Variants in GLB1 observed in about 807,000 individuals in gnomAD.
GLB1 encodes the protein beta-galactosidase.
A neutral mutation model predicts 74.0 loss-of-function variants in GLB1; 56 were observed. The ratio of observed to expected loss-of-function variants is 0.76; its 90% CI spans 0.61 to 0.94. The LOEUF is 0.94. Among genes scored for constraint, GLB1 ranks in the 40% least tolerant of loss-of-function variants. The pLI, the probability that GLB1 is intolerant of heterozygous loss-of-function variation, is 0.00. For missense variants in GLB1, 787 were observed against 845.5 expected (o/e 0.93, Z 0.86); for synonymous variants, 323 against 323.6 (o/e 1.00, Z 0.02).
downstream of GLB1, among the ~76,000 whole-genome samples, chr3:32,995,659 T>A (rs982697850): frequency 3.3e-5 from 5 of 150,970 alleles, no homozygotes; most frequent in African/African-American, 1.2e-4. Flanking sequence ...ATAAAAAAAC[T>A]TTCCTTTCTC....
intron 10 of GLB1, among the ~76,000 whole-genome samples, chr3:33,042,062 G>C (rs1698523604): frequency 6.6e-6 from 1 of 151,988 alleles, no homozygotes. Context: ...AATTATATTA[G>C]CACTAGTTTC....
the GLB1 span, among the ~76,000 whole-genome samples, chr3:32,971,998 A>G: frequency 6.6e-6 from 1 of 152,216 alleles, no homozygotes; most frequent in Admixed American, 6.5e-5. Context: ...TGATAAAAAT[A>G]AAACTAGAAG....
chr3:33,093,812 C>T lies in GLB1; in HGVS notation c.75+3199G>A. On this transcript the variant is annotated intron_variant, in intron 1 of 15. Coordinates refer to ENST00000307363, the MANE Select transcript of GLB1 (RefSeq NM_000404.4). This position sits in a 1 kb window ranked among gnomAD's most constrained non-coding sequence, Gnocchi z 6.0. ...CGCTGAGGATGAAGAGGAAGAAGAGCATGATGATGTAAGCACCCAGGCAGG... is the reference window on the plus strand; with the variant it reads ...CGCTGAGGATGAAGAGGAAGAAGAGTATGATGATGTAAGCACCCAGGCAGG... The T allele has an allele frequency of 3.7e-6, 6 of 1,613,480 alleles. No individual in the cohort carries two copies. Among genetic ancestry groups the T allele is most frequent in the Non-Finnish European group, 5.1e-6 (6 of 1,179,700 alleles).
chr3:33,061,076 G>A (rs1475183538), intron 5 of GLB1, among the ~76,000 whole-genome samples: 3 of 152,280 alleles, frequency 2.0e-5, no homozygotes, highest in African/African-American at 7.2e-5. Context: ...AGGTTCAGAG[G>A]AACACCGATG....
intron 10 of GLB1, chr3:33,037,820 C>T (rs1436455787): frequency 6.6e-6 from 1 of 152,068 alleles, no homozygotes. Flanking sequence ...TTTACAATGA[C>T]ATAAGTGAAG....
intron 1 of GLB1, among the ~76,000 whole-genome samples, chr3:33,087,184 C>T (rs1356684164): frequency 6.6e-6 from 1 of 152,046 alleles, no homozygotes; most frequent in African/African-American, 2.4e-5. Context: ...GGATAAATTT[C>T]TAGACACACC....
chr3:33,094,030 A>C, intron 1 of GLB1: 1 of 1,614,258 alleles, frequency 6.2e-7, no homozygotes, highest in East Asian at 2.2e-5. Flanking sequence ...CCAATGAGCA[A>C]GAGCGAGTTG....
intron 1 of GLB1, among the ~76,000 whole-genome samples, chr3:33,079,758 G>A (rs377448789): frequency 1.3e-5 from 2 of 152,180 alleles, no homozygotes; most frequent in African/African-American, 4.8e-5. Context: ...GGGATATAGG[G>A]TGAAAAGAGA....
intron 10 of GLB1, among the ~76,000 whole-genome samples, chr3:33,041,199 C>G (rs2125505156): frequency 6.6e-6 from 1 of 152,290 alleles, no homozygotes; most frequent in East Asian, 1.9e-4. Flanking sequence ...TTAGATTCAT[C>G]ACAGAGAAAC....
intron 1 of GLB1, among the ~76,000 whole-genome samples, chr3:33,084,010 C>T (rs1416913081): frequency 6.6e-6 from 1 of 152,180 alleles, no homozygotes; most frequent in African/African-American, 2.4e-5. Flanking sequence ...ATGGGTCATG[C>T]TGATTATGTG....
At chr3:33,030,135 A>G (rs6762132) in intron 10 of GLB1, 45,583 of 151,950 alleles carry the variant, frequency 0.3, 7,089 homozygotes, top group African/African-American at 0.36. Context: ...CAGGAGGTAT[A>G]AACAGTGCTG....
chr3:32,973,103 A>G, the GLB1 span, among the ~76,000 whole-genome samples: 1 of 152,364 alleles, frequency 6.6e-6, no homozygotes, highest in South Asian at 2.1e-4. Context: ...AATGCTTAAA[A>G]GGTAACTTAA....
intron 6 of GLB1, among the ~76,000 whole-genome samples, chr3:33,056,869 CTCTTA>C (rs1699244641): frequency 1.3e-5 from 2 of 152,184 alleles, no homozygotes; most frequent in African/African-American, 2.4e-5. Flanking sequence ...TGATACAGTA[CTCTTA>C]TCTAATCTAC....
At chr3:32,984,896 C>T in the GLB1 span, among the ~76,000 whole-genome samples, 1 of 151,280 alleles carries the variant, frequency 6.6e-6, no homozygotes, top group African/African-American at 2.4e-5. Context: ...GAGCTGAGAT[C>T]GCGCCACTGC....
At chr3:33,018,659 C>T (rs1452898300) in intron 12 of GLB1, 98 bp from the exon 13 acceptor site, 1 of 1,316,296 alleles carries the variant, frequency 7.6e-7, no homozygotes, top group Admixed American at 2.0e-5. Flanking sequence ...TTTCTCAAAC[C>T]ATAAGGAATG....
chr3:33,067,032 C>T (rs1431285915), intron 4 of GLB1, among the ~76,000 whole-genome samples: 4 of 124,774 alleles, frequency 3.2e-5, no homozygotes, highest in Admixed American at 1.9e-4. Context: ...GACAGAGTTT[C>T]GCTCTTGTTG....
At chr3:33,035,201 G>A (rs888665034) in intron 10 of GLB1, among the ~76,000 whole-genome samples, 2 of 152,150 alleles carry the variant, frequency 1.3e-5, no homozygotes, top group Admixed American at 6.5e-5. Context: ...GGAGGCCAAG[G>A]TGGGAGGATT....
intron 5 of GLB1, among the ~76,000 whole-genome samples, chr3:33,060,658 C>T (rs953654917): frequency 6.6e-6 from 1 of 151,100 alleles, no homozygotes; most frequent in African/African-American, 2.4e-5. Flanking sequence ...GTATCATATA[C>T]TCTAAAATAA....
At chr3:33,030,858 T>TGTCA in intron 10 of GLB1, 1 of 981,668 alleles carries the variant, frequency 1.0e-6, no homozygotes, top group Non-Finnish European at 1.2e-6. Context: ...TTAAGTTGAT[T>TGTCA]TGACAGCATA....
Sources: gnomAD v4.1 joint callset for allele counts (sites outside exome capture counted in the v4.1 genomes callset) on GRCh38, gnomAD v4.1.1 for gene constraint, Gnocchi (gnomAD v3.1) non-coding constraint, MANE v1.5 for transcripts, NCBI Gene and HGNC (gene_info 2026-07-23, HGNC 2026-07-21) for gene names.